The following ANXA6 variants were observed in gnomAD, a reference collection of about 807,000 sequenced individuals.
The protein encoded by ANXA6 is annexin A6, also known as 67 kDa calelectrin.
ANXA6 carries 71 observed loss-of-function variants against 95.4 expected under a neutral mutation model. That is an observed-to-expected ratio of 0.74 (90% confidence interval 0.61 to 0.91). The LOEUF is 0.91. Among genes scored for constraint, ANXA6 ranks in the 40% least tolerant of loss-of-function variants. ANXA6 has a pLI of 0.00. For synonymous variants in ANXA6, 289 were observed against 315.9 expected, an observed-to-expected ratio of 0.91 and a Z score of 0.90; for missense variants, 830 against 876.4, an observed-to-expected ratio of 0.95 and a Z score of 0.67.
Position 151,129,690 on chromosome 5 carries a change from C to CTGT in ANXA6, c.796-162_796-161insACA, listed in dbSNP as rs1184967158. Among the ~76,000 whole-genome samples the CTGT allele has an allele frequency of 8.5e-5, 11 of 128,812 alleles. No homozygotes were observed. In the East Asian group the frequency reaches 2.5e-3, roughly 29 times the overall value. The allele number at this position is 128,812 out of a possible 152,430, so 84.5% of individuals were successfully genotyped here. A position where few individuals can be genotyped will look rare whatever the true frequency, so the allele number is the denominator to read the frequency against. ...CCATTGAAGCTCTCTCTATGCTCCT[C>CTGT]TTACTGTTTTGTTTGTTTGTTTGTT... On this transcript the variant is annotated intron_variant, in intron 11 of 25. Transcript: ENST00000354546.
intron 7 of ANXA6, among the ~76,000 whole-genome samples, chr5:151,135,704 C>A (rs1476510305): frequency 6.6e-6 from 1 of 152,204 alleles, no homozygotes; most frequent in African/African-American, 2.4e-5. Flanking sequence ...CCGCAACTTT[C>A]AATACATTAA....
At chr5:151,134,397 C>T (rs1262215506) in intron 8 of ANXA6, 30 bp downstream of exon 8, 1 of 1,612,800 alleles carries the variant, frequency 6.2e-7, no homozygotes, top group Admixed American at 1.7e-5. Context: ...TTCTGCTGTG[C>T]CTCAGGGACT....
intron 17 of ANXA6, among the ~76,000 whole-genome samples, chr5:151,121,431 G>A (rs1197669035): frequency 3.3e-5 from 5 of 152,112 alleles, no homozygotes; most frequent in Admixed American, 2.6e-4. Context: ...ACCTTGGGAA[G>A]CAAAGCAGTT....
At chr5:151,134,350 C>T in intron 8 of ANXA6, 77 bp downstream of exon 8, 1 of 1,456,044 alleles carries the variant, frequency 6.9e-7, no homozygotes. Flanking sequence ...CACCTCCAGC[C>T]CTTCCCAGGG....
Position 151,133,000 on chromosome 5 carries a change from T to G in ANXA6, c.640+94A>C. On this transcript the variant is annotated intron_variant, in intron 9 of 25. Coordinates refer to ENST00000354546, the MANE Select transcript of ANXA6 (RefSeq NM_001155.5). ...TGGGTTGGGAATGAAGTAGGTATCA[T>G]GTTCCATTAGTGGTAAAGAAAAGAA... 4.3e-6 allele frequency: 4 copies of G among 936,394 alleles called. No individual in the cohort carries two copies. In the South Asian group the frequency reaches 5.9e-5, roughly 14 times the overall value. 58.0% of individuals were successfully genotyped at this position (936,394 alleles called of 1,614,324 possible). A position where few individuals can be genotyped will look rare whatever the true frequency, so the allele number is the denominator to read the frequency against.
intron 23 of ANXA6, among the ~76,000 whole-genome samples, chr5:151,107,350 A>G (rs76034735): frequency 0.13 from 19,459 of 152,268 alleles, 1,399 homozygotes; most frequent in Non-Finnish European, 0.16. Flanking sequence ...TGAGACACAG[A>G]GGTTTTGTGA....
chr5:151,148,014 C>A (rs1236119189), intron 1 of ANXA6, 88 bp from the exon 2 acceptor site: 11 of 1,270,150 alleles, frequency 8.7e-6, no homozygotes, highest in Admixed American at 8.0e-5. Flanking sequence ...CTGCTGTTTT[C>A]CAGCTGCCCC....
chr5:151,124,276 T>C lies in ANXA6; in HGVS notation c.1138+10A>G, dbSNP rs1765251425. ...GGAGACCAACCCTGCTCCCTTCCCA[T>C]CCCCCATACCGAGTCCCTTCATGGC... On this transcript the variant is annotated intron_variant, in intron 15 of 25. Coordinates refer to ENST00000354546, the MANE Select transcript of ANXA6 (RefSeq NM_001155.5). The C allele has an allele frequency of 6.2e-7, 1 of 1,612,864 alleles. No individual in the cohort carries two copies. The highest frequency in any genetic ancestry group is 8.5e-7 in the Non-Finnish European group (1 of 1,179,388).
At chr5:151,112,737 T>C (rs1265199724) in intron 20 of ANXA6, among the ~76,000 whole-genome samples, 1 of 152,144 alleles carries the variant, frequency 6.6e-6, no homozygotes, top group African/African-American at 2.4e-5. Flanking sequence ...GGTGGGAGGA[T>C]TGCTTGGGCC....
intron 21 of ANXA6, 74 bp downstream of exon 21, chr5:151,110,553 T>C: frequency 6.5e-7 from 1 of 1,530,510 alleles, no homozygotes. Context: ...TGCTCGATAC[T>C]GCCCCGCTCG....
intron 12 of ANXA6, 133 bp from the exon 13 acceptor site, chr5:151,128,372 T>C (rs1229734000): frequency 5.3e-6 from 4 of 749,090 alleles, no homozygotes; most frequent in African/African-American, 3.5e-5. Context: ...CTGGCCCTCC[T>C]GTGCTGGTTA....
In ANXA6 at chr5:151,131,258, A is replaced by T. The variant is rs765844622; in HGVS notation, c.768T>A (p.Phe256Leu). Residue 256 changes from phenylalanine to leucine, a missense_variant, in exon 11 of 26, where the codon TTT (phenylalanine) becomes TTA (leucine). Physicochemically the swap from Phe to Leu is conservative, Grantham distance 22. Transcript: ENST00000354546. ...VKCIRSTPEY[F>L]AERLFKAMKG... ...TCATAGCCTTGAAGAGCCTTTCAGC[A>T]AAATATTCCGGGGTGCTCCGGATAC... is the stretch of plus-strand genomic sequence containing the variant. The T allele has an allele frequency of 6.2e-7, 1 of 1,614,046 alleles. No homozygotes were observed. The highest frequency in any genetic ancestry group is 8.5e-7 in the Non-Finnish European group (1 of 1,179,892).
chr5:151,128,339 A>G, intron 12 of ANXA6, 100 bp from the exon 13 acceptor site: 1 of 989,716 alleles, frequency 1.0e-6, no homozygotes. Context: ...GGAAGGCTGA[A>G]TGAACACTTA....
At chr5:151,139,297 T>C (rs1047704241) in intron 4 of ANXA6, 56 bp downstream of exon 4, 11 of 1,288,390 alleles carry the variant, frequency 8.5e-6, no homozygotes, top group Non-Finnish European at 1.2e-5. Flanking sequence ...AGCACACAGG[T>C]GAATGAAATC....
chr5:151,114,993 C>A (rs1183521744), intron 20 of ANXA6, among the ~76,000 whole-genome samples: 1 of 152,208 alleles, frequency 6.6e-6, no homozygotes, highest in Non-Finnish European at 1.5e-5. Flanking sequence ...TTTGCTCCCA[C>A]ATTTCCATTT....
In ANXA6 at chr5:151,109,801, G is replaced by A. The variant is rs542124145; in HGVS notation, c.1636C>T (p.Arg546Cys). ...CGGGTACACAGGATCGTCATGAAAC[G>A]TGTCTCCAAGGAAGTTTTGTCTCCA... Reference protein sequence around the residue: ...PSGDKTSLETRFMTILCTRSY... With the variant: ...PSGDKTSLETCFMTILCTRSY... Residue 546 changes from arginine to cysteine, a missense_variant, in exon 22 of 26, where the codon CGT (arginine) becomes TGT (cysteine). By Grantham distance (180) the Arg-to-Cys change is radical. Transcript: ENST00000354546. 2.9e-5 allele frequency: 46 copies of A among 1,611,322 alleles called. No homozygotes were observed. In the East Asian group the frequency reaches 3.3e-4, roughly 12 times the overall value.
In ANXA6 at chr5:151,131,340, G is replaced by T. The variant is rs1765507413; in HGVS notation, c.737-51C>A. ...GTTATTCTGGCTGCCTCAGAAGGGG[G>T]ATGGGATGGCCTGACTCCCTCTTTG... On this transcript the variant is annotated intron_variant, in intron 10 of 25. Coordinates refer to ENST00000354546, the MANE Select transcript of ANXA6 (RefSeq NM_001155.5). 3.2e-6 allele frequency: 5 copies of T among 1,582,050 alleles called. No individual in the cohort carries two copies. The Admixed American group carries it at 8.3e-5, about 26-fold the overall frequency.
chr5:151,123,745 G>C (rs1384713592), intron 15 of ANXA6, among the ~76,000 whole-genome samples: 1 of 152,182 alleles, frequency 6.6e-6, no homozygotes, highest in Non-Finnish European at 1.5e-5. Context: ...ACCCTAGATG[G>C]CCTGTCCCAG....
intron 7 of ANXA6, among the ~76,000 whole-genome samples, chr5:151,135,841 G>C (rs961592216): frequency 6.6e-6 from 1 of 152,150 alleles, no homozygotes; most frequent in East Asian, 1.9e-4. Context: ...AATCCAACTT[G>C]GCAGGTTGAA....
Sources: gnomAD v4.1 joint callset for allele counts (sites outside exome capture counted in the v4.1 genomes callset) on GRCh38, gnomAD v4.1.1 for gene constraint, MANE v1.5 for transcripts, NCBI Gene and HGNC (gene_info 2026-07-23, HGNC 2026-07-21) for gene names.